Variants in PPP6R2 observed in about 807,000 individuals in gnomAD.
PPP6R2 encodes serine/threonine-protein phosphatase 6 regulatory subunit 2.
A neutral mutation model predicts 100.2 loss-of-function variants in PPP6R2; 62 were observed. That is an observed-to-expected ratio of 0.62 (90% CI 0.50 to 0.76). PPP6R2 has a LOEUF of 0.76. Ranked by LOEUF, PPP6R2 falls within the 30% of genes least tolerant of loss-of-function variation. PPP6R2 has a pLI of 0.00. For missense variants in PPP6R2, 1,142 were observed against 1,276.3 expected, an observed-to-expected ratio of 0.89 and a Z score of 1.60; for synonymous variants, 525 against 514.7, an observed-to-expected ratio of 1.02 and a Z score of -0.27.
At chr22:50,367,371 T>C (rs1374556268) in intron 1 of PPP6R2, among the ~76,000 whole-genome samples, 4 of 152,150 alleles carry the variant, frequency 2.6e-5, no homozygotes, top group African/African-American at 9.7e-5. Flanking sequence ...GATTGAAGTC[T>C]GCCCTCCTGA....
chr22:50,370,531 C>A (rs1166062248), intron 1 of PPP6R2, among the ~76,000 whole-genome samples: 1 of 152,194 alleles, frequency 6.6e-6, no homozygotes, highest in Non-Finnish European at 1.5e-5. Context: ...TCGTGATCCA[C>A]CCGCCTTGGC....
chr22:50,414,482 G>T (rs2060242636), intron 4 of PPP6R2, 70 bp from the exon 5 acceptor site: 2 of 1,550,742 alleles, frequency 1.3e-6, no homozygotes, highest in Non-Finnish European at 1.8e-6. Flanking sequence ...TCCCATGAGA[G>T]TTTTTGGAGG....
At chr22:50,337,891 G>C in the PPP6R2 span, among the ~76,000 whole-genome samples, 1 of 137,310 alleles carries the variant, frequency 7.3e-6, no homozygotes, top group South Asian at 2.5e-4. Context: ...GGTGTGTGGT[G>C]TGTGTGGTCT....
chr22:50,342,896 G>T (rs550642859), upstream of PPP6R2, among the ~76,000 whole-genome samples: 6 of 152,312 alleles, frequency 3.9e-5, no homozygotes, highest in East Asian at 1.2e-3. Context: ...TGCTGCTCGG[G>T]GCGTCCACGC....
intron 2 of PPP6R2, among the ~76,000 whole-genome samples, chr22:50,381,853 T>A (rs904853384): frequency 8.7e-5 from 13 of 148,750 alleles, no homozygotes; most frequent in South Asian, 2.1e-4. Flanking sequence ...GCTTGCAGTG[T>A]GCTGAGATCA....
Position 50,423,167 on chromosome 22 carries a change from A to T in PPP6R2, c.973-295A>T, listed in dbSNP as rs1304334752. On this transcript the variant is annotated intron_variant, in intron 9 of 23. Transcript: ENST00000612753. This position sits in a 1 kb window ranked among gnomAD's most constrained non-coding sequence, Gnocchi z 4.8. ...GCCTTAGACCGGTACTGCTGGCCCC[A>T]TCTTGGACATCTCACCCGCTGAGGT... 2.6e-5 allele frequency among the ~76,000 whole-genome samples: 4 copies of T among 152,078 alleles called. No homozygotes were observed. The highest frequency in any genetic ancestry group is 5.9e-5 in the Non-Finnish European group (4 of 68,006).
intron 3 of PPP6R2, among the ~76,000 whole-genome samples, chr22:50,394,768 T>C (rs1471340665): frequency 6.6e-6 from 1 of 151,632 alleles, no homozygotes; most frequent in Non-Finnish European, 1.5e-5. Flanking sequence ...TAGCCGGGCA[T>C]GGTGGCGGGC....
At chr22:50,375,825 C>T (rs182008719) in intron 2 of PPP6R2, among the ~76,000 whole-genome samples, 20 of 88,256 alleles carry the variant, frequency 2.3e-4, no homozygotes, top group African/African-American at 8.3e-4. Context: ...ACAAAGAATC[C>T]CTGCAGATTT....
At position 50,439,979 on chromosome 22, in the gene PPP6R2, G is replaced by C. The variant is rs771551913; in HGVS notation, c.2304G>C (p.Arg768Ser). Residue 768 changes from arginine to serine, a missense_variant, in exon 21 of 24, where the codon AGG (arginine) becomes AGC (serine). This residue lies in a region of PPP6R2 where 550 missense variants were observed against 517.4 expected (regional missense o/e 1.06). Coordinates refer to ENST00000612753, the MANE Select transcript of PPP6R2 (RefSeq NM_001242898.2). ...QPFCCSESGP[R>S]CSSPVDTECS... is the part of the protein sequence containing the mutation. ...TATGCAGCTCCGAGTCAGGGCCCAG[G>C]TGCAGCTCTCCGGTGGACACAGAAT... 72 of 1,613,522 alleles carry C rather than the reference G, an allele frequency of 4.5e-5. No individual in the cohort carries two copies. In the South Asian group the frequency reaches 7.0e-4, roughly 16 times the overall value.
chr22:50,377,954 C>T (rs1038293498), intron 2 of PPP6R2, among the ~76,000 whole-genome samples: 30 of 151,938 alleles, frequency 2.0e-4, no homozygotes, highest in African/African-American at 7.0e-4. Flanking sequence ...TTGCAGTGAG[C>T]TGAGCTTGAG....
At chr22:50,442,343 C>T (rs1189958021) in intron 22 of PPP6R2, among the ~76,000 whole-genome samples, 2 of 152,216 alleles carry the variant, frequency 1.3e-5, no homozygotes, top group Non-Finnish European at 2.9e-5. Flanking sequence ...CCAGCAGGCC[C>T]CGTCTGTGCT....
At chr22:50,362,782 A>T (rs569831289) in intron 1 of PPP6R2, among the ~76,000 whole-genome samples, 1 of 152,206 alleles carries the variant, frequency 6.6e-6, no homozygotes, top group African/African-American at 2.4e-5. Flanking sequence ...ACACAGTGAG[A>T]AGGCAATGGT....
chr22:50,422,562 G>T (rs1016767137), intron 9 of PPP6R2, among the ~76,000 whole-genome samples, 182 bp downstream of exon 9: 1 of 152,158 alleles, frequency 6.6e-6, no homozygotes. Flanking sequence ...ACATTTTCAG[G>T]ACTGCCCCTC....
At chr22:50,397,867 GC>G (rs2057319171) in intron 3 of PPP6R2, among the ~76,000 whole-genome samples, 1 of 117,812 alleles carries the variant, frequency 8.5e-6, no homozygotes, top group African/African-American at 3.4e-5. Flanking sequence ...TCATCTCTGA[GC>G]TTTTCTCTGA....
rs1487687134 is a variant in PPP6R2 at position 50,393,998 on chromosome 22, A to G, written c.90A>G (p.Glu30=). The stretch of plus-strand genomic sequence containing the variant: ...TGACGCTGCAGGAGTTAATGGATGA[A>G]GATGACATCTTGCAGGAGTGTAAGG... The part of the protein sequence containing the change: ...EHVTLQELMD[E]DDILQECKAQ... The change falls in exon 3 of 24, where the codon GAA becomes GAG. Residue 30 remains glutamate, a synonymous_variant. Coordinates refer to ENST00000612753, the MANE Select transcript of PPP6R2 (RefSeq NM_001242898.2). 1.9e-6 allele frequency: 3 copies of G among 1,614,198 alleles called. No homozygotes were observed. The highest frequency in any genetic ancestry group is 2.7e-5 in the African/African-American group (2 of 75,048).
Position 50,406,795 on chromosome 22 carries a change from C to T in PPP6R2, c.334C>T (p.His112Tyr). Residue 112 changes from histidine to tyrosine, a missense_variant, in exon 4 of 24, where the codon CAT (histidine) becomes TAT (tyrosine). Physicochemically the swap from His to Tyr is moderately conservative, Grantham distance 83. Coordinates refer to ENST00000612753, the MANE Select transcript of PPP6R2 (RefSeq NM_001242898.2). ...LLSLLYDFLDHEPPLNPLLAS... is the reference protein window; with the variant it reads ...LLSLLYDFLDYEPPLNPLLAS... Reference sequence around the variant, plus strand: ...GAGCCTCCTGTACGACTTCTTGGACCATGAGCCGCCTCTCAATCCTCTGCT... The same window carrying T: ...GAGCCTCCTGTACGACTTCTTGGACTATGAGCCGCCTCTCAATCCTCTGCT... 1 of 1,614,130 alleles carries T rather than the reference C, an allele frequency of 6.2e-7. No individual in the cohort carries two copies. Among genetic ancestry groups the T allele is most frequent in the Non-Finnish European group, 8.5e-7 (1 of 1,179,966 alleles).
chr22:50,336,599 G>A, the PPP6R2 span, among the ~76,000 whole-genome samples: 3 of 150,860 alleles, frequency 2.0e-5, no homozygotes, highest in African/African-American at 7.3e-5. Context: ...TCACCGTATT[G>A]TCCTGGCTGG....
At chr22:50,348,123 T>C (rs1180457630) in intron 1 of PPP6R2, among the ~76,000 whole-genome samples, 1 of 149,610 alleles carries the variant, frequency 6.7e-6, no homozygotes, top group East Asian at 1.9e-4. Context: ...CTGATGTGCT[T>C]ATGGTAAGGG....
At chr22:50,348,753 C>T (rs1201732574) in intron 1 of PPP6R2, among the ~76,000 whole-genome samples, 2 of 152,056 alleles carry the variant, frequency 1.3e-5, no homozygotes, top group African/African-American at 4.8e-5. Context: ...AGGTATAAAG[C>T]CTTGGGGATG....
Sources: gnomAD v4.1 joint callset for allele counts (sites outside exome capture counted in the v4.1 genomes callset) on GRCh38, gnomAD v4.1.1 for gene constraint, gnomAD v4.1.1 regional missense constraint, Gnocchi (gnomAD v3.1) non-coding constraint, MANE v1.5 for transcripts, NCBI Gene and HGNC (gene_info 2026-07-23, HGNC 2026-07-21) for gene names.